Variants in STPG2 observed in about 807,000 individuals in gnomAD.
STPG2 encodes the protein sperm-tail PG-rich repeat-containing protein 2.
Under a neutral mutation model 54.2 loss-of-function variants are expected in STPG2, and 56 were observed. The ratio of observed to expected loss-of-function variants is 1.03; its 90% CI spans 0.83 to 1.29. The LOEUF is 1.29. STPG2 is among the 50% of genes most tolerant of loss of function. The pLI, the probability that STPG2 is intolerant of heterozygous loss-of-function variation, is 0.00. For missense variants in STPG2, 596 were observed against 544.9 expected, an observed-to-expected ratio of 1.09 and a Z score of -0.93; for synonymous variants, 200 against 181.8, an observed-to-expected ratio of 1.10 and a Z score of -0.81.
chr4:97,523,332 G>A (rs920169285), intron 4 of STPG2, among the ~76,000 whole-genome samples: 4 of 151,722 alleles, frequency 2.6e-5, no homozygotes, highest in African/African-American at 9.7e-5. Flanking sequence ...TAAAAAGAGA[G>A]GTCATATCTG....
intron 8 of STPG2, among the ~76,000 whole-genome samples, chr4:97,883,974 G>A (rs1037035621): frequency 1.3e-5 from 2 of 152,152 alleles, no homozygotes; most frequent in Admixed American, 6.6e-5. Context: ...TGTGGTGGCT[G>A]AGAGGCAAAG....
intron 4 of STPG2, among the ~76,000 whole-genome samples, chr4:97,477,459 G>A (rs901036578): frequency 6.1e-5 from 9 of 148,572 alleles, no homozygotes; most frequent in Admixed American, 6.7e-5. Context: ...CTTTATGATG[G>A]TTTACCTTCC....
At chr4:97,616,067 T>TTTATAC (rs1733861831) in intron 10 of STPG2, among the ~76,000 whole-genome samples, 1 of 72,446 alleles carries the variant, frequency 1.4e-5, no homozygotes, top group Non-Finnish European at 2.9e-5. Flanking sequence ...AATATATATA[T>TTTATAC]ATATATATAT....
intron 8 of STPG2, among the ~76,000 whole-genome samples, chr4:97,932,168 T>C (rs1732572807): frequency 6.6e-6 from 1 of 152,178 alleles, no homozygotes; most frequent in Non-Finnish European, 1.5e-5. Context: ...CTATGTATTT[T>C]ATTAATTTTT....
intron 8 of STPG2, among the ~76,000 whole-genome samples, chr4:97,858,284 A>C (rs1012506276): frequency 6.6e-6 from 1 of 152,096 alleles, no homozygotes; most frequent in Non-Finnish European, 1.5e-5. Flanking sequence ...TCAAGAAAGA[A>C]CCCTAAAAGC....
At chr4:97,558,118 TACCCTTATGATAAAATAC>T (rs1560658701), downstream of STPG2, among the ~76,000 whole-genome samples, 1 of 152,218 alleles carries the variant, frequency 6.6e-6, no homozygotes, top group African/African-American at 2.4e-5. Flanking sequence ...CTCTCATACA[TACCCTTATGATAAAATAC>T]ACACAGTAGC....
intron 5 of STPG2, among the ~76,000 whole-genome samples, chr4:98,010,104 T>C (rs981589385): frequency 6.6e-6 from 1 of 152,040 alleles, no homozygotes; most frequent in Non-Finnish European, 1.5e-5. Context: ...TGATTTCATT[T>C]ATTTGCCCTC....
intron 4 of STPG2, among the ~76,000 whole-genome samples, chr4:97,468,541 A>C (rs1729843191): frequency 6.6e-6 from 1 of 152,002 alleles, no homozygotes; most frequent in East Asian, 1.9e-4. Context: ...TCCTAAATGT[A>C]TTGCATGCAC....
intron 10 of STPG2, among the ~76,000 whole-genome samples, chr4:97,591,534 G>T (rs1337557063): frequency 1.3e-5 from 2 of 152,130 alleles, no homozygotes; most frequent in Non-Finnish European, 2.9e-5. Context: ...AATAAATGGT[G>T]CCCTTTTTGG....
chr4:97,912,736 A>T (rs1239528812), intron 8 of STPG2, among the ~76,000 whole-genome samples: 2 of 152,262 alleles, frequency 1.3e-5, no homozygotes, highest in South Asian at 4.1e-4. Flanking sequence ...TGAAAGAGAC[A>T]GAAAGAACAG....
chr4:97,815,182 C>A (rs1440370673), intron 9 of STPG2, among the ~76,000 whole-genome samples: 1 of 152,080 alleles, frequency 6.6e-6, no homozygotes. Context: ...ATTACAAATA[C>A]CAGCTTTGAC....
chr4:97,538,763 A>T lies in STPG2; in HGVS notation c.462+173936T>A, dbSNP rs1435113896. Among the ~76,000 whole-genome samples the T allele has an allele frequency of 2.0e-5, 3 of 152,248 alleles. No individual in the cohort carries two copies. In the South Asian group the frequency reaches 6.2e-4, roughly 32 times the overall value. On this transcript the variant is annotated intron_variant, in intron 4 of 4. Coordinates refer to the STPG2 transcript ENST00000522676. ...TGTCAGATTCACCAAAGTTCAAATGAAGGAAAAAATGTTAAGGGCAGCCAG... is the reference window on the plus strand; with the variant it reads ...TGTCAGATTCACCAAAGTTCAAATGTAGGAAAAAATGTTAAGGGCAGCCAG...
chr4:97,760,288 C>G (rs979056380), intron 9 of STPG2, among the ~76,000 whole-genome samples: 5 of 152,158 alleles, frequency 3.3e-5, no homozygotes, highest in African/African-American at 7.2e-5. Flanking sequence ...CCCTACCTTC[C>G]ATACCCTTCC....
At chr4:98,072,997 G>A (rs535408153) in intron 5 of STPG2, among the ~76,000 whole-genome samples, 5 of 152,182 alleles carry the variant, frequency 3.3e-5, no homozygotes, top group Non-Finnish European at 5.9e-5. Context: ...TGTGAAGAAT[G>A]AATGCTATAT....
intron 10 of STPG2, among the ~76,000 whole-genome samples, chr4:97,634,461 T>C (rs768037151): frequency 1.3e-5 from 2 of 152,180 alleles, no homozygotes; most frequent in Non-Finnish European, 2.9e-5. Context: ...AGGCAGCTCC[T>C]CACCTGCAAC....
chr4:98,085,994 G>C (rs1738491265), intron 5 of STPG2, among the ~76,000 whole-genome samples: 1 of 152,080 alleles, frequency 6.6e-6, no homozygotes. Flanking sequence ...GCTCAGATGA[G>C]CACATAAAAA....
intron 8 of STPG2, among the ~76,000 whole-genome samples, chr4:97,877,960 G>T (rs1324822437): frequency 6.6e-6 from 1 of 151,982 alleles, no homozygotes; most frequent in Non-Finnish European, 1.5e-5. Flanking sequence ...CAGGCATTGG[G>T]TAAATACAGC....
At position 97,740,008 on chromosome 4, in the gene STPG2, A is replaced by C. The variant is rs201388970; in HGVS notation, c.1205-27194T>G. 5.5e-3 allele frequency among the ~76,000 whole-genome samples: 833 copies of C among 152,212 alleles called. 17 individuals carry two copies. The highest frequency in any genetic ancestry group is 0.036 in the Admixed American group (546 of 15,286). On this transcript the variant is annotated intron_variant, in intron 9 of 10. Coordinates refer to ENST00000295268, the MANE Select transcript of STPG2 (RefSeq NM_174952.3). ...AATCCAGCAGCACATCAAAAAGCTT[A>C]TCCACCATGATCAAGTGGGCTTCAT... is the stretch of plus-strand genomic sequence containing the variant.
At chr4:98,141,110 C>T (rs1226335410) in intron 1 of STPG2, among the ~76,000 whole-genome samples, 3 of 151,996 alleles carry the variant, frequency 2.0e-5, no homozygotes, top group Non-Finnish European at 4.4e-5. Flanking sequence ...GAGTCACGCC[C>T]TACAAACTAT....
Sources: allele counts gnomAD v4.1 joint callset (sites outside exome capture counted in the v4.1 genomes callset), GRCh38; gene constraint gnomAD v4.1.1; transcripts MANE v1.5; gene names NCBI Gene and HGNC (gene_info 2026-07-23, HGNC 2026-07-21).